The following LUZP2 variants were observed in gnomAD, a reference collection of about 807,000 sequenced individuals.
LUZP2 encodes the protein leucine zipper protein 2.
In LUZP2, 52 loss-of-function variants were observed where a neutral mutation model predicts 51.6. That is an observed-to-expected ratio of 1.01 (90% CI 0.81 to 1.27). LUZP2 has a LOEUF of 1.27. Among genes scored for constraint, LUZP2 ranks in the 50% most tolerant of loss-of-function variants. LUZP2 has a pLI of 0.00. For synonymous variants in LUZP2, 154 were observed against 137.3 expected (o/e 1.12, Z -0.85); for missense variants, 436 against 395.4 (o/e 1.10, Z -0.87).
At chr11:24,794,258 A>T (rs1849487943) in intron 5 of LUZP2, among the ~76,000 whole-genome samples, 1 of 152,142 alleles carries the variant, frequency 6.6e-6, no homozygotes, top group African/African-American at 2.4e-5. Flanking sequence ...AATACTCCAC[A>T]TATTCTACTG....
intron 1 of LUZP2, among the ~76,000 whole-genome samples, chr11:24,650,455 G>A (rs1451386572): frequency 1.3e-5 from 2 of 151,866 alleles, no homozygotes; most frequent in Non-Finnish European, 2.9e-5. Context: ...GATAAAGTGG[G>A]CAACTATTTT....
chr11:25,027,879 AAAAAAGGT>A (rs1039703188), intron 9 of LUZP2, among the ~76,000 whole-genome samples: 3 of 125,146 alleles, frequency 2.4e-5, no homozygotes, highest in African/African-American at 1.4e-4. Context: ...CAAAAAAAAA[AAAAAAGGT>A]GTTTAGATTT....
intron 1 of LUZP2, among the ~76,000 whole-genome samples, chr11:24,565,429 G>T (rs1202746383): frequency 6.6e-6 from 1 of 152,142 alleles, no homozygotes; most frequent in South Asian, 2.1e-4. Flanking sequence ...GTAAATATTT[G>T]CCTGTCAGGG....
At chr11:25,002,614 C>T (rs187487568) in intron 9 of LUZP2, among the ~76,000 whole-genome samples, 111 of 152,252 alleles carry the variant, frequency 7.3e-4, no homozygotes, top group African/African-American at 1.4e-3. Context: ...TGGCCACCAC[C>T]GCAACTACCT....
At chr11:24,984,542 A>ATG in intron 9 of LUZP2, among the ~76,000 whole-genome samples, 1 of 101,412 alleles carries the variant, frequency 9.9e-6, no homozygotes, top group East Asian at 2.8e-4. Context: ...ATATATATAT[A>ATG]TATATATAAT....
chr11:24,869,811 AG>A (rs1246603349), intron 5 of LUZP2, among the ~76,000 whole-genome samples: 1 of 152,156 alleles, frequency 6.6e-6, no homozygotes, highest in African/African-American at 2.4e-5. Flanking sequence ...GGCCAATTAT[AG>A]TAATACCCTA....
At chr11:24,701,182 A>T (rs945222918) in intron 1 of LUZP2, 8 of 153,388 alleles carry the variant, frequency 5.2e-5, no homozygotes, top group African/African-American at 1.9e-4. Flanking sequence ...GGTTGGCAGA[A>T]GGAGCAGCAG....
intron 9 of LUZP2, among the ~76,000 whole-genome samples, chr11:25,040,247 G>C (rs1014432561): frequency 6.6e-6 from 1 of 151,556 alleles, no homozygotes; most frequent in African/African-American, 2.4e-5. Flanking sequence ...GACTTGCTTG[G>C]CCATAAAGCA....
chr11:24,699,212 GATT>G (rs1857345498), intron 1 of LUZP2, among the ~76,000 whole-genome samples: 1 of 151,818 alleles, frequency 6.6e-6, no homozygotes, highest in Non-Finnish European at 1.5e-5. Context: ...AAGCATCAGT[GATT>G]TAACCTTTCT....
intron 1 of LUZP2, among the ~76,000 whole-genome samples, chr11:24,556,721 T>A (rs1040191804): frequency 6.6e-6 from 1 of 152,178 alleles, no homozygotes; most frequent in African/African-American, 2.4e-5. Flanking sequence ...TTCAATAATA[T>A]TTAGGCCATG....
At chr11:24,995,119 T>C (rs1434537347) in intron 9 of LUZP2, among the ~76,000 whole-genome samples, 1 of 152,218 alleles carries the variant, frequency 6.6e-6, no homozygotes, top group Non-Finnish European at 1.5e-5. Flanking sequence ...CTGGATGTGA[T>C]GGCTCACACC....
At chr11:24,509,645 C>T in intron 1 of LUZP2, among the ~76,000 whole-genome samples, 1 of 149,802 alleles carries the variant, frequency 6.7e-6, no homozygotes. Flanking sequence ...GTTATATACA[C>T]AGAATATATA....
intron 1 of LUZP2, among the ~76,000 whole-genome samples, chr11:24,517,080 TG>T (rs1850488792): frequency 2.6e-5 from 4 of 152,204 alleles, no homozygotes; most frequent in Non-Finnish European, 5.9e-5. Flanking sequence ...TCATATTTTT[TG>T]TGTTCTAAGT....
intron 7 of LUZP2, among the ~76,000 whole-genome samples, chr11:24,959,324 G>C (rs1295407980): frequency 6.6e-6 from 1 of 152,088 alleles, no homozygotes; most frequent in Non-Finnish European, 1.5e-5. Flanking sequence ...GGATGGCATT[G>C]AATCTATAAA....
chr11:24,680,716 C>T (rs1406644639), intron 1 of LUZP2, among the ~76,000 whole-genome samples: 1 of 152,150 alleles, frequency 6.6e-6, no homozygotes, highest in African/African-American at 2.4e-5. Context: ...ATTCATACAC[C>T]TGATCCGAAA....
chr11:24,895,027 T>C (rs994987198), intron 5 of LUZP2, among the ~76,000 whole-genome samples: 6 of 152,176 alleles, frequency 3.9e-5, no homozygotes, highest in Non-Finnish European at 7.4e-5. Flanking sequence ...GCAAATTTTT[T>C]ATATAGGCAA....
At chr11:24,517,781 T>C (rs961700611) in intron 1 of LUZP2, among the ~76,000 whole-genome samples, 1 of 152,124 alleles carries the variant, frequency 6.6e-6, no homozygotes, top group Non-Finnish European at 1.5e-5. Context: ...TCATTTTGCT[T>C]CCCATGGTTA....
intron 5 of LUZP2, among the ~76,000 whole-genome samples, chr11:24,888,700 C>G (rs919451429): frequency 1.3e-5 from 2 of 152,092 alleles, no homozygotes; most frequent in African/African-American, 4.8e-5. Flanking sequence ...TGTCCCCCCA[C>G]AAATCTCATC....
At chr11:25,062,085 A>C (rs1176798563) in intron 10 of LUZP2, among the ~76,000 whole-genome samples, 1 of 151,476 alleles carries the variant, frequency 6.6e-6, no homozygotes, top group South Asian at 2.1e-4. Flanking sequence ...GAAAGGAAAA[A>C]CAAAAAACGA....
Sources: gnomAD v4.1 joint callset for allele counts (sites outside exome capture counted in the v4.1 genomes callset) on GRCh38, gnomAD v4.1.1 for gene constraint, MANE v1.5 for transcripts, NCBI Gene and HGNC (gene_info 2026-07-23, HGNC 2026-07-21) for gene names.